Variants in PGM5 observed in about 807,000 individuals in gnomAD.
PGM5 encodes the protein phosphoglucomutase-like protein 5.
A neutral mutation model predicts 59.2 loss-of-function variants in PGM5; 23 were observed. The observed-to-expected ratio is 0.39, with a 90% CI of 0.28 to 0.55. The LOEUF (loss-of-function observed/expected upper bound fraction) is 0.55. PGM5 is among the 20% of genes least tolerant of loss of function. PGM5 has a pLI of 0.66. For missense variants in PGM5, 574 were observed against 748.3 expected, an observed-to-expected ratio of 0.77 and a Z score of 2.72; for synonymous variants, 214 against 286.0, an observed-to-expected ratio of 0.75 and a Z score of 2.54.
intron 1 of PGM5, among the ~76,000 whole-genome samples, chr9:68,365,322 T>C (rs1366882063): frequency 6.7e-6 from 1 of 148,482 alleles, no homozygotes; most frequent in Non-Finnish European, 1.5e-5. Flanking sequence ...TGCCAGCCTA[T>C]AGCCTTAAGA....
At chr9:68,454,835 C>T (rs1383289144) in intron 6 of PGM5, among the ~76,000 whole-genome samples, 2 of 152,206 alleles carry the variant, frequency 1.3e-5, no homozygotes, top group African/African-American at 4.8e-5. Context: ...AAAACTCTCA[C>T]GTCCCACAAA....
chr9:68,381,733 A>G (rs1554678339), intron 2 of PGM5, among the ~76,000 whole-genome samples: 2 of 150,430 alleles, frequency 1.3e-5, no homozygotes, highest in Admixed American at 6.6e-5. Flanking sequence ...ACATACAAAC[A>G]TCAGTAGCAT....
intron 1 of PGM5, among the ~76,000 whole-genome samples, chr9:68,359,414 T>C (rs1404682649): frequency 3.3e-5 from 5 of 152,162 alleles, no homozygotes; most frequent in Non-Finnish European, 7.4e-5. Context: ...GTGAAGGGAA[T>C]GGTGGACATG....
chr9:68,504,690 T>G (rs1554688888), intron 10 of PGM5, among the ~76,000 whole-genome samples: 1 of 152,170 alleles, frequency 6.6e-6, no homozygotes. Flanking sequence ...GCTTTCTCCA[T>G]GGCATTTATC....
At chr9:68,484,723 G>T (rs546789787) in intron 9 of PGM5, among the ~76,000 whole-genome samples, 12 of 152,082 alleles carry the variant, frequency 7.9e-5, no homozygotes, top group Admixed American at 2.0e-4. Context: ...GTAGCCTGCA[G>T]GTGCTCATAT....
intron 6 of PGM5, among the ~76,000 whole-genome samples, chr9:68,393,187 G>A (rs1213208797): frequency 6.6e-6 from 1 of 151,930 alleles, no homozygotes; most frequent in African/African-American, 2.4e-5. Context: ...GTATGTGCCT[G>A]GTGGAAAGTT....
At chr9:68,378,728 C>T (rs548229812) in intron 2 of PGM5, among the ~76,000 whole-genome samples, 5 of 152,144 alleles carry the variant, frequency 3.3e-5, no homozygotes, top group Non-Finnish European at 5.9e-5. Context: ...TGCTGAAGGC[C>T]ACAGGGTTGA....
At chr9:68,502,935 C>T (rs977322928) in intron 10 of PGM5, among the ~76,000 whole-genome samples, 2 of 152,126 alleles carry the variant, frequency 1.3e-5, no homozygotes, top group Non-Finnish European at 2.9e-5. Context: ...GTGATCCACC[C>T]GCCTCGGCCT....
intron 7 of PGM5, among the ~76,000 whole-genome samples, chr9:68,467,917 TC>T (rs1823959724): frequency 6.6e-6 from 1 of 152,164 alleles, no homozygotes; most frequent in South Asian, 2.1e-4. Flanking sequence ...GGATTTTTTT[TC>T]CAAAAACTCT....
At chr9:68,527,012 T>G (rs1028860800) in intron 10 of PGM5, among the ~76,000 whole-genome samples, 1 of 152,246 alleles carries the variant, frequency 6.6e-6, no homozygotes. Context: ...TATTAGAAAG[T>G]GATCTTTTGG....
chr9:68,423,448 C>A (rs1823176207), intron 6 of PGM5, among the ~76,000 whole-genome samples: 2 of 152,290 alleles, frequency 1.3e-5, no homozygotes, highest in African/African-American at 2.4e-5. Flanking sequence ...AAAGAACACA[C>A]AAGAACCTGA....
At chr9:68,519,308 T>C (rs866546486) in intron 10 of PGM5, among the ~76,000 whole-genome samples, 3 of 152,190 alleles carry the variant, frequency 2.0e-5, no homozygotes, top group African/African-American at 7.2e-5. Context: ...AAAATATTAA[T>C]AATTGCTGAA....
At chr9:68,511,504 G>A (rs895991485) in intron 10 of PGM5, among the ~76,000 whole-genome samples, 19 of 125,336 alleles carry the variant, frequency 1.5e-4, no homozygotes, top group Admixed American at 2.5e-4. Flanking sequence ...GTGAATAAAT[G>A]TTCAATAAAT....
At chr9:68,481,263 AAAC>A (rs1244157998) in intron 8 of PGM5, among the ~76,000 whole-genome samples, 4 of 152,242 alleles carry the variant, frequency 2.6e-5, no homozygotes, top group African/African-American at 7.2e-5. Context: ...TGGGAGATGT[AAAC>A]AACAACAACA....
intron 6 of PGM5, among the ~76,000 whole-genome samples, chr9:68,418,988 C>T (rs1823083711): frequency 6.6e-6 from 1 of 152,170 alleles, no homozygotes. Flanking sequence ...TGGCCCGTTT[C>T]AAAATGGCTG....
chr9:68,440,278 A>G (rs1257823714), intron 6 of PGM5, among the ~76,000 whole-genome samples: 3 of 152,166 alleles, frequency 2.0e-5, no homozygotes, highest in Non-Finnish European at 2.9e-5. Flanking sequence ...AGCAGAATAT[A>G]CACTTTTTTC....
At chr9:68,481,767 C>T (rs891729553) in intron 8 of PGM5, among the ~76,000 whole-genome samples, 3 of 152,062 alleles carry the variant, frequency 2.0e-5, no homozygotes, top group Admixed American at 2.0e-4. Flanking sequence ...TCTTCTAGGA[C>T]ATTGAGTTAT....
At chr9:68,387,645 T>G in intron 4 of PGM5, 57 bp downstream of exon 4, 1 of 1,554,470 alleles carries the variant, frequency 6.4e-7, no homozygotes, top group Non-Finnish European at 8.8e-7. Context: ...CCTGTACACC[T>G]GTTGGGTTTC....
chr9:68,419,385 C>G (rs947041669), intron 6 of PGM5, among the ~76,000 whole-genome samples: 1 of 152,116 alleles, frequency 6.6e-6, no homozygotes. Flanking sequence ...AGCTCCCAGC[C>G]CTTATCTTTG....
Sources: gnomAD v4.1 joint callset for allele counts (sites outside exome capture counted in the v4.1 genomes callset) on GRCh38, gnomAD v4.1.1 for gene constraint, MANE v1.5 for transcripts, NCBI Gene and HGNC (gene_info 2026-07-23, HGNC 2026-07-21) for gene names.